COX4I2: variants seen among roughly 807,000 people sequenced by gnomAD.
COX4I2 encodes cytochrome c oxidase subunit 4I2, also known as cytochrome c oxidase subunit 4 isoform 2, mitochondrial.
A neutral mutation model predicts 20.8 loss-of-function variants in COX4I2; 15 were observed. The observed-to-expected ratio is 0.72, with a 90% confidence interval of 0.48 to 1.11. The LOEUF is 1.11. Ranked by LOEUF, COX4I2 falls within the 50% of genes most tolerant of loss-of-function variation. The probability of loss-of-function intolerance (pLI) is 0.00; values close to 1 mark genes in which losing one functional copy is unlikely to be tolerated. For missense variants in COX4I2, 224 were observed against 223.0 expected, an observed-to-expected ratio of 1.00 and a Z score of -0.03; for synonymous variants, 80 against 78.1, an observed-to-expected ratio of 1.02 and a Z score of -0.13.
intron 3 of COX4I2, among the ~76,000 whole-genome samples, chr20:31,642,829 G>A (rs562620720): frequency 7.2e-5 from 11 of 152,128 alleles, no homozygotes; most frequent in South Asian, 2.1e-4. Flanking sequence ...CAATCCACCC[G>A]TCTTGGTCTC....
At chr20:31,643,716 C>T (rs2060481030) in intron 4 of COX4I2, among the ~76,000 whole-genome samples, 181 bp downstream of exon 4, 1 of 152,164 alleles carries the variant, frequency 6.6e-6, no homozygotes, top group South Asian at 2.1e-4. Flanking sequence ...CTTTACCTCT[C>T]TGGGCCTCAG....
chr20:31,642,293 C>T (rs537936974), intron 3 of COX4I2, among the ~76,000 whole-genome samples: 3 of 152,280 alleles, frequency 2.0e-5, no homozygotes, highest in Non-Finnish European at 4.4e-5. Flanking sequence ...TCAGCCTGAA[C>T]CGCCCACCCA....
chr20:31,643,464 A>G lies in COX4I2; in HGVS notation c.308A>G (p.Lys103Arg), dbSNP rs1568834108. Residue 103 changes from lysine (K) to arginine (R), a missense_variant, in exon 4 of 5, where the codon AAG becomes AGG. Lys to Arg is a conservative substitution (Grantham distance 26). Coordinates refer to ENST00000376075, the MANE Select transcript of COX4I2 (RefSeq NM_032609.3). ...ATGAACCGTCGCTCCAATGAGTGGA[A>G]GACAGTGATGGGTTGTGTCTTCTTC... ...AEMNRRSNEW[K>R]TVMGCVFFFI... is the part of the protein sequence containing the mutation. The G allele has an allele frequency of 1.2e-6, 2 of 1,614,206 alleles. No homozygotes were observed. The highest frequency in any genetic ancestry group is 1.7e-5 in the Admixed American group (1 of 60,004).
intron 3 of COX4I2, among the ~76,000 whole-genome samples, chr20:31,642,470 C>T (rs142214644): frequency 0.029 from 3,551 of 121,432 alleles, 53 homozygotes; most frequent in Middle Eastern, 0.06. Context: ...GACAGAGTCT[C>T]GCTCTGTCGC....
intron 4 of COX4I2, 89 bp downstream of exon 4, chr20:31,643,624 GCA>G (rs887693430): frequency 1.3e-6 from 2 of 1,514,674 alleles, no homozygotes; most frequent in Non-Finnish European, 1.8e-6. Flanking sequence ...AACCATGCTG[GCA>G]CTCATCTGAA....
At position 31,642,996 on chromosome 20, in the gene COX4I2, TTC is replaced by T. The variant is rs201573865; in HGVS notation, c.248-400_248-399del. Among the ~76,000 whole-genome samples, 7 of 152,302 alleles carry T rather than the reference TTC, an allele frequency of 4.6e-5. No homozygotes were observed. The East Asian group carries it at 7.7e-4, about 17-fold the overall frequency. ...GAGAGCCAGCCTCTCATTTGCTAAA[TTC>T]TCTCTCTTTTGCTCATTTCACTCCA... On this transcript the variant is annotated intron_variant, in intron 3 of 4. Transcript: ENST00000376075.
rs1192963566 is a variant in COX4I2, at chr20:31,639,016, A to G, written c.1-2A>G. The G allele has an allele frequency of 3.1e-6, 5 of 1,609,668 alleles. No homozygotes were observed. Among genetic ancestry groups the G allele is most frequent in the Non-Finnish European group, 4.2e-6 (5 of 1,178,286 alleles). On this transcript the variant is annotated splice_acceptor_variant, in intron 1 of 4. Transcript: ENST00000376075. LOFTEE classifies it low-confidence loss of function (5UTR_SPLICE). ...AACTCATCTATACCTTCACGCCCCCAGATGCTCCCCAGAGCTGCCTGGAGC... is the reference window on the plus strand; with the variant it reads ...AACTCATCTATACCTTCACGCCCCCGGATGCTCCCCAGAGCTGCCTGGAGC...
At chr20:31,639,650 T>G (rs1411496509) in intron 2 of COX4I2, among the ~76,000 whole-genome samples, 4 of 149,030 alleles carry the variant, frequency 2.7e-5, no homozygotes, top group Non-Finnish European at 4.4e-5. Flanking sequence ...CTCCGCCTCC[T>G]GGGTTCAAAC....
chr20:31,638,867 A>C, intron 1 of COX4I2, 151 bp from the exon 2 acceptor site: 1 of 832,560 alleles, frequency 1.2e-6, no homozygotes, highest in Non-Finnish European at 2.0e-6. Context: ...AGACAAAATT[A>C]GAAGGGTCAA....
Position 31,644,959 on chromosome 20 carries a change from GC to G in COX4I2, c.*59del. 6.3e-7 allele frequency: 1 copy of G among 1,595,276 alleles called. No individual in the cohort carries two copies. Among genetic ancestry groups the G allele is most frequent in the South Asian group, 1.1e-5 (1 of 89,260 alleles). On this transcript the variant is annotated 3_prime_UTR_variant, in exon 5 of 5. Transcript: ENST00000376075. ...CCGCCCTGGCTGGGAGCCTCTGGCG[GC>G]CCCTCCCCTCCCCTGCCCTTAACCC... is the stretch of plus-strand genomic sequence containing the variant.
chr20:31,644,544 G>A (rs1447862118), intron 4 of COX4I2, among the ~76,000 whole-genome samples: 1 of 152,190 alleles, frequency 6.6e-6, no homozygotes, highest in Non-Finnish European at 1.5e-5. Flanking sequence ...CTAAGGCAAA[G>A]CTGGGGTCAG....
At chr20:31,643,846 T>C (rs2060481777) in intron 4 of COX4I2, among the ~76,000 whole-genome samples, 1 of 152,156 alleles carries the variant, frequency 6.6e-6, no homozygotes, top group African/African-American at 2.4e-5. Flanking sequence ...TTGTAACTGA[T>C]TGTTGTGTAT....
chr20:31,639,151 G>T, intron 2 of COX4I2, 52 bp downstream of exon 2: 2 of 1,564,384 alleles, frequency 1.3e-6, no homozygotes, highest in Non-Finnish European at 1.7e-6. Flanking sequence ...AGGGGCAGGG[G>T]TCCCCTCTGC....
In COX4I2 at chr20:31,639,004, C is replaced by T; in HGVS notation, c.1-14C>T. The T allele has an allele frequency of 6.2e-7, 1 of 1,604,630 alleles. No homozygotes were observed. Among genetic ancestry groups the T allele is most frequent in the Non-Finnish European group, 8.5e-7 (1 of 1,175,618 alleles). On this transcript the variant is annotated splice_polypyrimidine_tract_variant and intron_variant, in intron 1 of 4. Transcript: ENST00000376075. ...ATGTGGGGGCAGAACTCATCTATAC[C>T]TTCACGCCCCCAGATGCTCCCCAGA... is the stretch of plus-strand genomic sequence containing the variant.
At position 31,644,927 on chromosome 20, in the gene COX4I2, T is replaced by C; in HGVS notation, c.*23T>C. ...TGACTTGCATCCCCAGCTGTCTCCC[T>C]GAGGCTCCGCCCTGGCTGGGAGCCT... On this transcript the variant is annotated 3_prime_UTR_variant, in exon 5 of 5. Transcript: ENST00000376075. The C allele has an allele frequency of 6.2e-7, 1 of 1,611,282 alleles. No individual in the cohort carries two copies. The highest frequency in any genetic ancestry group is 1.1e-5 in the South Asian group (1 of 90,716).
chr20:31,644,132 G>A (rs1206353715), intron 4 of COX4I2, among the ~76,000 whole-genome samples: 1 of 152,166 alleles, frequency 6.6e-6, no homozygotes, highest in African/African-American at 2.4e-5. Flanking sequence ...TATTTTTAAA[G>A]TGAACACTCT....
chr20:31,643,265 T>TTCC, intron 3 of COX4I2, 139 bp from the exon 4 acceptor site: 1 of 1,003,196 alleles, frequency 1.0e-6, no homozygotes, highest in Non-Finnish European at 1.6e-6. Context: ...CTGTCACCTG[T>TTCC]TCCTGGTCAT....
chr20:31,639,124 T>C, intron 2 of COX4I2, 25 bp downstream of exon 2: 8 of 1,590,922 alleles, frequency 5.0e-6, no homozygotes, highest in Non-Finnish European at 6.8e-6. Flanking sequence ...CCTTCCTCCC[T>C]GCCTAACTCC....
intron 2 of COX4I2, among the ~76,000 whole-genome samples, chr20:31,639,682 C>T (rs1389064882): frequency 2.0e-5 from 3 of 151,604 alleles, no homozygotes; most frequent in Non-Finnish European, 2.9e-5. Flanking sequence ...CTCAGCCTCC[C>T]GAGTAGCTGG....
Sources: gnomAD v4.1 joint callset for allele counts (sites outside exome capture counted in the v4.1 genomes callset) on GRCh38, gnomAD v4.1.1 for gene constraint, MANE v1.5 for transcripts, NCBI Gene and HGNC (gene_info 2026-07-23, HGNC 2026-07-21) for gene names.